DCUN1D1: variants seen among roughly 807,000 people sequenced by gnomAD.
DCUN1D1 encodes the protein defective in cullin neddylation 1 domain containing 1.
A neutral mutation model predicts 39.0 loss-of-function variants in DCUN1D1; 3 were observed. The observed-to-expected ratio is 0.08, with a 90% confidence interval of 0.04 to 0.20. DCUN1D1 has a LOEUF of 0.20. Among genes scored for constraint, DCUN1D1 ranks in the 10% least tolerant of loss-of-function variants. DCUN1D1 has a pLI of 1.00. For synonymous variants in DCUN1D1, 82 were observed against 96.3 expected (o/e 0.85, Z 0.87); for missense variants, 158 against 302.4 (o/e 0.52, Z 3.54).
In DCUN1D1 at chr3:182,941,933, C is replaced by T. The variant is rs1201702093; in HGVS notation, c.*3161G>A. The T allele has an allele frequency of 6.6e-6, 1 of 152,036 alleles. No individual in the cohort carries two copies. 9.4% of individuals were successfully genotyped at this position (152,036 alleles called of 1,614,324 possible). ...TGTTTAAAAACCTAAGCAAAGTGTA[C>T]ATTAAGTTAGCTACTACTACTCACT... On this transcript the variant is annotated 3_prime_UTR_variant, in exon 7 of 7. Transcript: ENST00000292782.
At chr3:182,972,809 G>C (rs1366660597) in intron 1 of DCUN1D1, among the ~76,000 whole-genome samples, 2 of 152,180 alleles carry the variant, frequency 1.3e-5, no homozygotes, top group African/African-American at 4.8e-5. Context: ...GGGAGGCCAA[G>C]AGGGGGGCGG....
chr3:182,959,505 A>AC (rs1244209612), intron 4 of DCUN1D1, among the ~76,000 whole-genome samples: 3 of 146,614 alleles, frequency 2.0e-5, no homozygotes, highest in South Asian at 2.1e-4. Flanking sequence ...AAAAACCAAA[A>AC]AAAAAAAAAA....
rs1199646039 is a variant in DCUN1D1, at chr3:182,941,375, C to T, written c.*3719G>A. The T allele has an allele frequency of 6.6e-6, 1 of 151,740 alleles. No individual in the cohort carries two copies. Among genetic ancestry groups the T allele is most frequent in the Non-Finnish European group, 1.5e-5 (1 of 67,908 alleles). The allele number at this position is 151,740 out of a possible 1,614,324, so 9.4% of individuals were successfully genotyped here. A position where few individuals can be genotyped will look rare whatever the true frequency, so the allele number is the denominator to read the frequency against. On this transcript the variant is annotated 3_prime_UTR_variant, in exon 7 of 7. Transcript: ENST00000292782. ...CATGATAAATAACTTCACCACAGTC[C>T]TATGAAATAAAAATAGAAATTATTG...
upstream of DCUN1D1, among the ~76,000 whole-genome samples, chr3:182,982,138 A>G (rs1456970291): frequency 5.3e-5 from 8 of 152,198 alleles, no homozygotes; most frequent in Admixed American, 2.6e-4. Context: ...TACAGGCCTT[A>G]GTTATTCTAA....
chr3:182,964,613 A>G (rs962947329), intron 2 of DCUN1D1, among the ~76,000 whole-genome samples: 5 of 151,894 alleles, frequency 3.3e-5, no homozygotes, highest in Admixed American at 3.3e-4. Context: ...ACTGCTATCA[A>G]ATATGATTTA....
intron 6 of DCUN1D1, 62 bp from the exon 7 acceptor site, chr3:182,945,235 A>T: frequency 7.8e-7 from 1 of 1,276,342 alleles, no homozygotes; most frequent in Non-Finnish European, 1.1e-6. Context: ...TAAGGCTAAC[A>T]TTTTAGTAGA....
chr3:182,970,940 C>G (rs1258571536), intron 1 of DCUN1D1, among the ~76,000 whole-genome samples: 1 of 152,172 alleles, frequency 6.6e-6, no homozygotes, highest in Non-Finnish European at 1.5e-5. Flanking sequence ...CCTACAACTC[C>G]CAGAGCAGAC....
intron 6 of DCUN1D1, among the ~76,000 whole-genome samples, chr3:182,946,440 C>T (rs371769265): frequency 9.9e-5 from 15 of 151,480 alleles, no homozygotes; most frequent in African/African-American, 3.6e-4. Flanking sequence ...ACCTGAAATC[C>T]CAGTTACTTG....
intron 2 of DCUN1D1, 61 bp downstream of exon 2, chr3:182,965,476 A>G (rs1727624726): frequency 9.4e-7 from 1 of 1,066,528 alleles, no homozygotes; most frequent in Admixed American, 2.1e-5. Context: ...CATTTCTCAT[A>G]AGCCCATCTC....
chr3:182,973,269 C>T (rs530748684), intron 1 of DCUN1D1, among the ~76,000 whole-genome samples: 16 of 152,238 alleles, frequency 1.1e-4, no homozygotes, highest in South Asian at 4.2e-4. Context: ...GGATGACCAA[C>T]GGCTGCAACA....
At chr3:182,955,080 G>A (rs952900793) in intron 4 of DCUN1D1, among the ~76,000 whole-genome samples, 1 of 150,076 alleles carries the variant, frequency 6.7e-6, no homozygotes, top group Non-Finnish European at 1.5e-5. Flanking sequence ...CGCTCTTGCT[G>A]TCCAAAATGG....
chr3:182,982,472 C>T (rs1406406272), upstream of DCUN1D1, among the ~76,000 whole-genome samples: 1 of 152,166 alleles, frequency 6.6e-6, no homozygotes, highest in Non-Finnish European at 1.5e-5. Context: ...TATCCCCAAA[C>T]CCACTTTTCC....
At chr3:182,948,304 A>T (rs1235504102) in intron 4 of DCUN1D1, among the ~76,000 whole-genome samples, 1 of 152,246 alleles carries the variant, frequency 6.6e-6, no homozygotes, top group Non-Finnish European at 1.5e-5. Flanking sequence ...TAAGAAACCA[A>T]GAATTTCTTA....
chr3:182,965,834 C>T (rs1727639961), intron 1 of DCUN1D1, 81 bp from the exon 2 acceptor site: 1 of 844,444 alleles, frequency 1.2e-6, no homozygotes, highest in African/African-American at 1.7e-5. Flanking sequence ...ACTAAACATT[C>T]TTAGTAATAC....
At position 182,940,910 on chromosome 3, in the gene DCUN1D1, A is replaced by C. The variant is rs1726106405; in HGVS notation, c.*4184T>G. The stretch of plus-strand genomic sequence containing the variant: ...GATTCCCTTTAAATAATTTCCCTTT[A>C]AAACTCCATAAAGACATTACTTATT... On this transcript the variant is annotated 3_prime_UTR_variant, in exon 7 of 7. Coordinates refer to ENST00000292782, the MANE Select transcript of DCUN1D1 (RefSeq NM_020640.4). The C allele has an allele frequency of 6.6e-6, 1 of 152,216 alleles. No individual in the cohort carries two copies. Among genetic ancestry groups the C allele is most frequent in the Non-Finnish European group, 1.5e-5 (1 of 68,026 alleles). The allele number at this position is 152,216 out of a possible 1,614,324, so 9.4% of individuals were successfully genotyped here.
In DCUN1D1 at chr3:182,939,533, T is replaced by A. The variant is rs1043631528; in HGVS notation, c.*5561A>T. 1 of 152,178 alleles carries A rather than the reference T, an allele frequency of 6.6e-6. No individual in the cohort carries two copies. Among genetic ancestry groups the A allele is most frequent in the Admixed American group, 6.5e-5 (1 of 15,274 alleles). 9.4% of individuals were successfully genotyped at this position (152,178 alleles called of 1,614,324 possible). The stretch of plus-strand genomic sequence containing the variant: ...ACACTAAGTCAGCAACTAAAGGAAC[T>A]ACACGCAGGTATAAGCTGCAACATG... On this transcript the variant is annotated 3_prime_UTR_variant, in exon 7 of 7. Coordinates refer to ENST00000292782, the MANE Select transcript of DCUN1D1 (RefSeq NM_020640.4).
chr3:182,972,033 T>C (rs1389034542), intron 1 of DCUN1D1, among the ~76,000 whole-genome samples: 2 of 148,556 alleles, frequency 1.3e-5, no homozygotes. Context: ...AATTTGGGGA[T>C]GGAGCTTCTA....
At chr3:182,955,276 T>C in intron 4 of DCUN1D1, 1 of 540,118 alleles carries the variant, frequency 1.9e-6, no homozygotes, top group South Asian at 1.4e-5. Flanking sequence ...TCTAAACCAA[T>C]ATCAAAATCC....
intron 4 of DCUN1D1, among the ~76,000 whole-genome samples, chr3:182,959,143 C>T (rs760627369): frequency 6.6e-6 from 1 of 152,110 alleles, no homozygotes; most frequent in Admixed American, 6.5e-5. Flanking sequence ...GACAGAAAAA[C>T]TAATTGTAGG....
Sources: gnomAD v4.1 joint callset for allele counts (sites outside exome capture counted in the v4.1 genomes callset) on GRCh38, gnomAD v4.1.1 for gene constraint, MANE v1.5 for transcripts, NCBI Gene and HGNC (gene_info 2026-07-23, HGNC 2026-07-21) for gene names.